ASPRV1: variants seen among roughly 807,000 people sequenced by gnomAD.
ASPRV1 encodes retroviral-like aspartic protease 1.
ASPRV1 carries 7 observed loss-of-function variants against 11.0 expected under a neutral mutation model. The observed-to-expected ratio is 0.64, with a 90% CI of 0.36 to 1.20. The LOEUF is 1.20. Ranked by LOEUF, ASPRV1 falls within the 50% of genes most tolerant of loss-of-function variation. ASPRV1 has a pLI of 0.02. For synonymous variants in ASPRV1, 136 were observed against 138.4 expected (o/e 0.98, Z 0.12); for missense variants, 299 against 320.0 (o/e 0.93, Z 0.50).
At chr2:69,963,669 T>C (rs761181261), upstream of ASPRV1, among the ~76,000 whole-genome samples, 1 of 152,190 alleles carries the variant, frequency 6.6e-6, no homozygotes, top group Non-Finnish European at 1.5e-5. Flanking sequence ...TAGAAATCGG[T>C]GGTCCCTTGG....
Position 69,960,822 on chromosome 2 carries a change from G to C in ASPRV1, c.615C>G (p.Leu205=). The change falls in exon 1 of 1, where the codon CTC becomes CTG. Residue 205 remains leucine, a synonymous_variant. Transcript: ENST00000320256. ...AEEAIIGTDV[L]QDHNAILDFE... The stretch of plus-strand genomic sequence containing the variant: ...AGTCCAGGATAGCATTGTGGTCCTG[G>C]AGCACATCAGTGCCAATGATGGCTT... 1 of 1,614,124 alleles carries C rather than the reference G, an allele frequency of 6.2e-7. No individual in the cohort carries two copies. Among genetic ancestry groups the C allele is most frequent in the Non-Finnish European group, 8.5e-7 (1 of 1,180,016 alleles).
the ASPRV1 span, among the ~76,000 whole-genome samples, chr2:70,002,467 C>T: frequency 2.6e-5 from 4 of 152,162 alleles, no homozygotes; most frequent in African/African-American, 9.7e-5. Context: ...CTGGCTGGCC[C>T]CACAGGTGTG....
At chr2:69,986,574 C>T in the ASPRV1 span, among the ~76,000 whole-genome samples, 1 of 152,196 alleles carries the variant, frequency 6.6e-6, no homozygotes, top group Non-Finnish European at 1.5e-5. Flanking sequence ...TGACAACTTC[C>T]CAGACCCTCG....
At chr2:70,075,740 T>C in the ASPRV1 span, among the ~76,000 whole-genome samples, 1 of 151,862 alleles carries the variant, frequency 6.6e-6, no homozygotes, top group Non-Finnish European at 1.5e-5. Flanking sequence ...CAGCTACTAC[T>C]TGGGAGGCTG....
the ASPRV1 span, among the ~76,000 whole-genome samples, chr2:69,951,396 C>T: frequency 3.5e-5 from 5 of 143,914 alleles, no homozygotes; most frequent in Admixed American, 7.1e-5. Flanking sequence ...TGCACTCCAG[C>T]CTGGGCAACA....
At chr2:69,956,512 G>C (rs903484046), downstream of ASPRV1, among the ~76,000 whole-genome samples, 2 of 130,340 alleles carry the variant, frequency 1.5e-5, no homozygotes, top group South Asian at 4.9e-4. Flanking sequence ...AGAGGAGGAG[G>C]GGAGGAGGAG....
At chr2:69,966,711 C>A in the ASPRV1 span, among the ~76,000 whole-genome samples, 1 of 152,206 alleles carries the variant, frequency 6.6e-6, no homozygotes, top group Non-Finnish European at 1.5e-5. Flanking sequence ...AACTTAAATA[C>A]CTCAAAGGCA....
At chr2:70,035,369 C>T in the ASPRV1 span, among the ~76,000 whole-genome samples, 1 of 152,090 alleles carries the variant, frequency 6.6e-6, no homozygotes, top group South Asian at 2.1e-4. Flanking sequence ...CCTCCATTTC[C>T]TCCCTCACTA....
At chr2:70,030,735 G>C in the ASPRV1 span, 1 of 152,112 alleles carries the variant, frequency 6.6e-6, no homozygotes, top group East Asian at 1.9e-4. Flanking sequence ...TGTGTGTTGG[G>C]AGTGTGGGCA....
At chr2:70,012,206 G>C in the ASPRV1 span, 1 of 150,770 alleles carries the variant, frequency 6.6e-6, no homozygotes, top group Admixed American at 6.6e-5. Flanking sequence ...CCAGGGTGGA[G>C]TGCAGTAGTG....
the ASPRV1 span, chr2:69,937,452 G>GAGGT: frequency 6.6e-7 from 1 of 1,505,078 alleles, no homozygotes; most frequent in East Asian, 2.3e-5. Flanking sequence ...CCAGAGCAGG[G>GAGGT]GTTCAGTACT....
At chr2:69,936,895 A>G in the ASPRV1 span, 10 of 476,748 alleles carry the variant, frequency 2.1e-5, no homozygotes, top group Admixed American at 1.2e-4. Context: ...TCAGGTGTTC[A>G]GGGGATTGCT....
chr2:70,057,350 C>CT, the ASPRV1 span, among the ~76,000 whole-genome samples: 1 of 152,206 alleles, frequency 6.6e-6, no homozygotes, highest in Non-Finnish European at 1.5e-5. Flanking sequence ...CACTAGCACA[C>CT]TAACCATAAA....
chr2:70,065,852 A>G, the ASPRV1 span, among the ~76,000 whole-genome samples: 2 of 112,190 alleles, frequency 1.8e-5, no homozygotes, highest in Non-Finnish European at 3.3e-5. Context: ...AAAGAAAGAA[A>G]AAGAAAAGGA....
the ASPRV1 span, among the ~76,000 whole-genome samples, chr2:70,014,025 T>C: frequency 6.6e-6 from 1 of 152,248 alleles, no homozygotes; most frequent in Non-Finnish European, 1.5e-5. Flanking sequence ...ATGGTAAATA[T>C]TGTTAAAACC....
At chr2:70,057,240 A>G in the ASPRV1 span, among the ~76,000 whole-genome samples, 1 of 149,840 alleles carries the variant, frequency 6.7e-6, no homozygotes, top group African/African-American at 2.5e-5. Flanking sequence ...CATCTCTATT[A>G]AAAAAAAAGA....
At chr2:70,076,146 T>C in the ASPRV1 span, among the ~76,000 whole-genome samples, 3 of 152,254 alleles carry the variant, frequency 2.0e-5, no homozygotes, top group East Asian at 3.9e-4. Context: ...ATGCTTAAGA[T>C]CACAATGAAG....
the ASPRV1 span, among the ~76,000 whole-genome samples, chr2:69,945,483 A>C: frequency 3.3e-5 from 5 of 152,182 alleles, no homozygotes; most frequent in African/African-American, 1.2e-4. Context: ...TGCCTCTGCG[A>C]GTGTCCTTGT....
chr2:70,066,621 A>G, the ASPRV1 span, among the ~76,000 whole-genome samples: 3 of 151,080 alleles, frequency 2.0e-5, no homozygotes, highest in East Asian at 5.9e-4. Flanking sequence ...TTTTTGAGAC[A>G]AGGTCTCCCT....
Sources: gnomAD v4.1 joint callset for allele counts (sites outside exome capture counted in the v4.1 genomes callset) on GRCh38, gnomAD v4.1.1 for gene constraint, MANE v1.5 for transcripts, NCBI Gene and HGNC (gene_info 2026-07-23, HGNC 2026-07-21) for gene names.